Variants in ABCB5 observed in about 807,000 individuals in gnomAD.
The protein encoded by ABCB5 is ATP-binding cassette sub-family B member 5.
In ABCB5, 155 loss-of-function variants were observed where a neutral mutation model predicts 144.2. The observed-to-expected ratio is 1.08, with a 90% CI of 0.94 to 1.23. The LOEUF (loss-of-function observed/expected upper bound fraction) is 1.23, where lower values mean the gene tolerates loss of function less well. Among genes scored for constraint, ABCB5 ranks in the 50% most tolerant of loss-of-function variants. The pLI is 0.00. For missense variants in ABCB5, 1,830 were observed against 1,520.8 expected (o/e 1.20, Z -3.38); for synonymous variants, 610 against 528.6 (o/e 1.15, Z -2.11).
chr7:20,640,114 A>T (rs1190111263), intron 5 of ABCB5, among the ~76,000 whole-genome samples: 1 of 152,196 alleles, frequency 6.6e-6, no homozygotes, highest in Non-Finnish European at 1.5e-5. Context: ...CATTAAAAAA[A>T]ATTCAACAAG....
At chr7:20,627,704 G>T (rs961541660) in intron 3 of ABCB5, among the ~76,000 whole-genome samples, 3 of 151,600 alleles carry the variant, frequency 2.0e-5, no homozygotes, top group African/African-American at 7.3e-5. Flanking sequence ...TACAGGATAG[G>T]CATTGTTCTG....
At chr7:20,705,374 C>G (rs897366520) in intron 20 of ABCB5, among the ~76,000 whole-genome samples, 1 of 152,088 alleles carries the variant, frequency 6.6e-6, no homozygotes, top group Non-Finnish European at 1.5e-5. Context: ...CAAAGTCATG[C>G]TTAAACAGCT....
At chr7:20,655,458 GCAA>G (rs200011505) in intron 13 of ABCB5, among the ~76,000 whole-genome samples, 2,729 of 152,180 alleles carry the variant, frequency 0.018, 84 homozygotes, top group African/African-American at 0.062. Context: ...GGGCAACAGA[GCAA>G]GACTCTGCTC....
At chr7:20,728,118 T>C (rs551106537) in intron 22 of ABCB5, among the ~76,000 whole-genome samples, 197 bp from the exon 23 acceptor site, 70 of 152,014 alleles carry the variant, frequency 4.6e-4, no homozygotes, top group Non-Finnish European at 8.4e-4. Flanking sequence ...GGGAAAAGAA[T>C]TATAACATTA....
chr7:20,733,850 G>A (rs1418786208), intron 23 of ABCB5, among the ~76,000 whole-genome samples: 1 of 151,960 alleles, frequency 6.6e-6, no homozygotes, highest in Non-Finnish European at 1.5e-5. Context: ...ATGTTGGCCA[G>A]GCCGGTCTCA....
At chr7:20,709,423 AT>A (rs1268217078) in intron 20 of ABCB5, among the ~76,000 whole-genome samples, 1 of 149,922 alleles carries the variant, frequency 6.7e-6, no homozygotes, top group Non-Finnish European at 1.5e-5. Flanking sequence ...ATGTTGACAT[AT>A]TTTGTATTTT....
chr7:20,635,271 A>G (rs931250237), intron 5 of ABCB5, among the ~76,000 whole-genome samples: 8 of 151,706 alleles, frequency 5.3e-5, no homozygotes, highest in African/African-American at 1.5e-4. Flanking sequence ...TGTGTCTATT[A>G]TTATACCAGT....
intron 20 of ABCB5, among the ~76,000 whole-genome samples, chr7:20,720,483 A>G (rs911654030): frequency 6.6e-6 from 1 of 152,144 alleles, no homozygotes; most frequent in Non-Finnish European, 1.5e-5. Flanking sequence ...GACCAATCAA[A>G]ACTGCGTGCC....
intron 23 of ABCB5, among the ~76,000 whole-genome samples, chr7:20,738,095 C>G (rs927044877): frequency 2.6e-5 from 4 of 152,142 alleles, no homozygotes; most frequent in African/African-American, 7.2e-5. Flanking sequence ...TTGCTGTTAT[C>G]CAGCACTGCA....
intron 14 of ABCB5, among the ~76,000 whole-genome samples, chr7:20,663,133 C>G (rs753811408): frequency 6.6e-6 from 1 of 152,212 alleles, no homozygotes; most frequent in Non-Finnish European, 1.5e-5. Flanking sequence ...TTGTAACCAC[C>G]AGGCTATATT....
intron 16 of ABCB5, among the ~76,000 whole-genome samples, chr7:20,691,289 G>T (rs1181794092): frequency 7.1e-6 from 1 of 140,352 alleles, no homozygotes; most frequent in Non-Finnish European, 1.5e-5. Flanking sequence ...AAACTCAGTG[G>T]ACTTTGAGTT....
rs1782052450 is a variant in ABCB5, at chr7:20,726,852, T to A, written c.2626-188T>A. Among the ~76,000 whole-genome samples the A allele has an allele frequency of 2.0e-5, 3 of 152,338 alleles. No homozygotes were observed. The South Asian group carries it at 6.2e-4, about 32-fold the overall frequency. ...CTCAATAAGACATTTTCCTTAAGCT[T>A]ATCATCCAAAAGTGTCATTTTTCTA... is the stretch of plus-strand genomic sequence containing the variant. On this transcript the variant is annotated intron_variant, in intron 21 of 27. Coordinates refer to ENST00000404938, the MANE Select transcript of ABCB5 (RefSeq NM_001163941.2).
rs1244449519 is a variant in ABCB5, at chr7:20,668,438, T to C, written c.1707+9762T>C. ...AACCCTGTCTGGGAGGTGAGGAGCG[T>C]CTCTGCCCGGCCGCCCCGTCTGAGA... is the stretch of plus-strand genomic sequence containing the variant. On this transcript the variant is annotated intron_variant, in intron 14 of 27. Transcript: ENST00000404938. 4.0e-5 allele frequency among the ~76,000 whole-genome samples: 6 copies of C among 149,776 alleles called. No individual in the cohort carries two copies. The East Asian group carries it at 1.3e-3, about 32-fold the overall frequency.
intron 4 of ABCB5, among the ~76,000 whole-genome samples, chr7:20,631,031 G>A (rs1466689962): frequency 5.9e-5 from 9 of 152,074 alleles, no homozygotes; most frequent in African/African-American, 4.8e-5. Flanking sequence ...TTGGTTTTCC[G>A]GAGGATAATA....
At chr7:20,686,596 G>A (rs1386571992) in intron 16 of ABCB5, among the ~76,000 whole-genome samples, 1 of 152,084 alleles carries the variant, frequency 6.6e-6, no homozygotes, top group Non-Finnish European at 1.5e-5. Flanking sequence ...CATTCACTGA[G>A]CTCCAGCCCT....
intron 5 of ABCB5, chr7:20,641,789 A>T (rs1339797576): frequency 6.6e-6 from 1 of 152,340 alleles, no homozygotes; most frequent in Non-Finnish European, 1.5e-5. Context: ...AATTCTCATA[A>T]TCTAGAGGAC....
intron 16 of ABCB5, among the ~76,000 whole-genome samples, chr7:20,686,957 CT>C (rs931593646): frequency 2.0e-4 from 31 of 152,316 alleles, no homozygotes; most frequent in African/African-American, 7.2e-4. Context: ...AGCTACAACT[CT>C]TTCCTTTTAG....
intron 14 of ABCB5, among the ~76,000 whole-genome samples, chr7:20,669,214 G>A (rs1406377572): frequency 6.9e-6 from 1 of 144,928 alleles, no homozygotes; most frequent in African/African-American, 2.6e-5. Flanking sequence ...CCACGACCCC[G>A]TCTGGGAGGT....
At chr7:20,749,485 G>A (rs12533204) in intron 26 of ABCB5, among the ~76,000 whole-genome samples, 37,057 of 134,576 alleles carry the variant, frequency 0.28, 5,802 homozygotes, top group Non-Finnish European at 0.36. Context: ...TGATCCACCC[G>A]CCTCGGCTTC....
Sources: allele counts gnomAD v4.1 joint callset (sites outside exome capture counted in the v4.1 genomes callset), GRCh38; gene constraint gnomAD v4.1.1; transcripts MANE v1.5; gene names NCBI Gene and HGNC (gene_info 2026-07-23, HGNC 2026-07-21).